The following NXPH2 variants were observed in gnomAD, a reference collection of about 807,000 sequenced individuals.
NXPH2 encodes the protein neurexophilin 2.
NXPH2 carries 5 observed loss-of-function variants against 19.8 expected under a neutral mutation model. The observed-to-expected ratio is 0.25, with a 90% CI of 0.13 to 0.53. The LOEUF (loss-of-function observed/expected upper bound fraction) is 0.53. Among genes scored for constraint, NXPH2 ranks in the 20% least tolerant of loss-of-function variants. The pLI is 0.96. For synonymous variants in NXPH2, 154 were observed against 127.4 expected (o/e 1.21, Z -1.41); for missense variants, 289 against 322.8 (o/e 0.90, Z 0.80).
At chr2:138,713,518 G>T (rs1232840994) in intron 1 of NXPH2, among the ~76,000 whole-genome samples, 2 of 152,120 alleles carry the variant, frequency 1.3e-5, no homozygotes, top group Non-Finnish European at 2.9e-5. Context: ...AATGAATATA[G>T]GAAAGGAAAA....
At chr2:138,721,415 G>C (rs1463253174) in intron 1 of NXPH2, among the ~76,000 whole-genome samples, 2 of 151,924 alleles carry the variant, frequency 1.3e-5, no homozygotes, top group East Asian at 3.9e-4. Flanking sequence ...AATTCAATTG[G>C]AAAGAGTCTA....
chr2:138,774,592 T>A (rs7421437), intron 1 of NXPH2, among the ~76,000 whole-genome samples: 148,763 of 152,362 alleles, frequency 0.98, 72,721 homozygotes, highest in East Asian at 1. Context: ...TTTGTCATTA[T>A]TGACTTCATT....
chr2:138,695,264 A>G (rs916991487), intron 1 of NXPH2, among the ~76,000 whole-genome samples: 1 of 152,230 alleles, frequency 6.6e-6, no homozygotes, highest in African/African-American at 2.4e-5. Flanking sequence ...ATGGTTTTCT[A>G]AATTTTAATA....
At chr2:138,672,862 G>A (rs778025693) in intron 1 of NXPH2, among the ~76,000 whole-genome samples, 5 of 152,178 alleles carry the variant, frequency 3.3e-5, no homozygotes, top group African/African-American at 4.8e-5. Context: ...ACGTAGCCTG[G>A]ATTATAAATA....
At chr2:138,777,581 C>T (rs975721333) in intron 1 of NXPH2, among the ~76,000 whole-genome samples, 1 of 151,450 alleles carries the variant, frequency 6.6e-6, no homozygotes, top group African/African-American at 2.4e-5. Flanking sequence ...ATTATATATA[C>T]GTGTATATTA....
intron 1 of NXPH2, among the ~76,000 whole-genome samples, chr2:138,692,322 T>C (rs919438564): frequency 1.3e-5 from 2 of 152,238 alleles, no homozygotes; most frequent in East Asian, 3.8e-4. Flanking sequence ...GTCATGTTTA[T>C]ACCAGCGAAA....
intron 1 of NXPH2, among the ~76,000 whole-genome samples, chr2:138,676,093 A>G (rs1044791329): frequency 1.8e-4 from 27 of 152,184 alleles, no homozygotes; most frequent in African/African-American, 6.3e-4. Flanking sequence ...ACTGTGTACA[A>G]CCTCATCCGT....
chr2:138,723,020 G>A (rs1681303775), intron 1 of NXPH2, among the ~76,000 whole-genome samples: 1 of 152,160 alleles, frequency 6.6e-6, no homozygotes, highest in African/African-American at 2.4e-5. Context: ...AAAAGGTTAA[G>A]TACCACATTA....
chr2:138,739,130 A>T (rs1382588877), intron 1 of NXPH2, among the ~76,000 whole-genome samples: 1 of 152,222 alleles, frequency 6.6e-6, no homozygotes, highest in Non-Finnish European at 1.5e-5. Flanking sequence ...TGAAAGCAGA[A>T]ATTATAAAGT....
At chr2:138,697,781 G>GA (rs1235052887) in intron 1 of NXPH2, among the ~76,000 whole-genome samples, 1 of 151,368 alleles carries the variant, frequency 6.6e-6, no homozygotes, top group Non-Finnish European at 1.5e-5. Flanking sequence ...AATCACCAGA[G>GA]AAAATATAAA....
In NXPH2 at chr2:138,738,137, A is replaced by G. The variant is rs528382616; in HGVS notation, c.51+42054T>C. On this transcript the variant is annotated intron_variant, in intron 1 of 1. Transcript: ENST00000272641. ...TGTGTCCATGTGTTCTCATTGTTCA[A>G]TTCCCACCTATGAACACCTTCATTT... Among the ~76,000 whole-genome samples the G allele has an allele frequency of 8.1e-5, 12 of 147,510 alleles. No individual in the cohort carries two copies. The East Asian group carries it at 1.6e-3, about 20-fold the overall frequency.
At chr2:138,726,949 C>A (rs1210363118) in intron 1 of NXPH2, among the ~76,000 whole-genome samples, 1 of 152,114 alleles carries the variant, frequency 6.6e-6, no homozygotes, top group African/African-American at 2.4e-5. Flanking sequence ...CTCTATTCAT[C>A]CCTCCCTCCC....
At chr2:138,766,690 C>T (rs547358621) in intron 1 of NXPH2, among the ~76,000 whole-genome samples, 1 of 152,160 alleles carries the variant, frequency 6.6e-6, no homozygotes, top group Non-Finnish European at 1.5e-5. Flanking sequence ...GCTCTCCCTG[C>T]TGAAAAGACC....
intron 1 of NXPH2, among the ~76,000 whole-genome samples, chr2:138,700,710 CAT>C (rs1486375180): frequency 2.6e-5 from 4 of 152,086 alleles, no homozygotes; most frequent in South Asian, 2.1e-4. Context: ...ACCTGCTGAC[CAT>C]CCGTCTGTTG....
intron 1 of NXPH2, among the ~76,000 whole-genome samples, chr2:138,705,765 C>G (rs556572897): frequency 4.0e-5 from 6 of 151,354 alleles, no homozygotes; most frequent in Admixed American, 1.3e-4. Flanking sequence ...TTCTCTCTCT[C>G]TTTCTAGAGT....
chr2:138,700,717 C>T (rs921566331), intron 1 of NXPH2, among the ~76,000 whole-genome samples: 1 of 152,030 alleles, frequency 6.6e-6, no homozygotes, highest in African/African-American at 2.4e-5. Flanking sequence ...GACCATCCGT[C>T]TGTTGGACTT....
At chr2:138,720,658 G>A (rs1194723777) in intron 1 of NXPH2, among the ~76,000 whole-genome samples, 1 of 152,250 alleles carries the variant, frequency 6.6e-6, no homozygotes, top group Non-Finnish European at 1.5e-5. Flanking sequence ...CCTGGGTGCA[G>A]AGGAGCCACG....
intron 1 of NXPH2, among the ~76,000 whole-genome samples, chr2:138,713,796 C>T (rs1681146719): frequency 6.6e-6 from 1 of 152,122 alleles, no homozygotes; most frequent in Admixed American, 6.6e-5. Context: ...ACAACGTACT[C>T]ATCAGGGGAA....
At chr2:138,740,385 C>T (rs1047505995) in intron 1 of NXPH2, among the ~76,000 whole-genome samples, 2 of 152,322 alleles carry the variant, frequency 1.3e-5, no homozygotes, top group South Asian at 2.1e-4. Flanking sequence ...ATTTGCCACA[C>T]AGGTGTCCAC....
Sources: allele counts gnomAD v4.1 joint callset (sites outside exome capture counted in the v4.1 genomes callset), GRCh38; gene constraint gnomAD v4.1.1; transcripts MANE v1.5; gene names NCBI Gene and HGNC (gene_info 2026-07-23, HGNC 2026-07-21).